Variants in CSMD2 observed in about 807,000 individuals in gnomAD.
CSMD2 encodes CUB and sushi domain-containing protein 2.
CSMD2 carries 130 observed loss-of-function variants against 398.5 expected under a neutral mutation model. The observed-to-expected ratio is 0.33, with a 90% confidence interval of 0.28 to 0.38. CSMD2 has a LOEUF of 0.38. Among genes scored for constraint, CSMD2 ranks in the 10% least tolerant of loss-of-function variants. CSMD2 has a pLI of 1.00. For missense variants in CSMD2, 3,829 were observed against 4,764.9 expected (o/e 0.80, Z 5.78); for synonymous variants, 1,828 against 1,908.5 (o/e 0.96, Z 1.10).
In CSMD2 at chr1:33,950,986, C is replaced by T. The variant is rs147512332; in HGVS notation, c.518-15032G>A. On this transcript the variant is annotated intron_variant, in intron 3 of 70. Coordinates refer to ENST00000373381, the MANE Select transcript of CSMD2 (RefSeq NM_001281956.2). ...CTCCTAACTGATTACAGCATTGAGTCGGGCATCATCCAGAACCTTGGGTGT... is the reference window on the plus strand; with the variant it reads ...CTCCTAACTGATTACAGCATTGAGTTGGGCATCATCCAGAACCTTGGGTGT... 1.4e-3 allele frequency among the ~76,000 whole-genome samples: 208 copies of T among 152,296 alleles called. 1 individual carries two copies. In the South Asian group the frequency reaches 0.015, roughly 11 times the overall value.
At chr1:33,800,027 C>T (rs1317896392) in intron 10 of CSMD2, among the ~76,000 whole-genome samples, 1 of 152,192 alleles carries the variant, frequency 6.6e-6, no homozygotes, top group Admixed American at 6.5e-5. Context: ...GCAAGGCCTG[C>T]CCCTGCCACT....
At chr1:33,843,542 G>T (rs973666481) in intron 6 of CSMD2, among the ~76,000 whole-genome samples, 1 of 152,206 alleles carries the variant, frequency 6.6e-6, no homozygotes. Context: ...TCCAATGCCA[G>T]TGATTCTTCC....
intron 3 of CSMD2, among the ~76,000 whole-genome samples, chr1:33,972,746 T>C (rs1157933556): frequency 6.6e-6 from 1 of 152,194 alleles, no homozygotes; most frequent in Non-Finnish European, 1.5e-5. Flanking sequence ...TGTGGACTTC[T>C]GGCCTCCGGA....
At position 33,891,481 on chromosome 1, in the gene CSMD2, G is replaced by A. The variant is rs532696468; in HGVS notation, c.920+26613C>T. Among the ~76,000 whole-genome samples the A allele has an allele frequency of 5.7e-3, 867 of 151,752 alleles. 2 individuals carry two copies. Among genetic ancestry groups the A allele is most frequent in the Non-Finnish European group, 8.6e-3 (584 of 67,992 alleles). On this transcript the variant is annotated intron_variant, in intron 5 of 70. Coordinates refer to ENST00000373381, the MANE Select transcript of CSMD2 (RefSeq NM_001281956.2). Reference sequence around the variant, plus strand: ...GTAAACTAGTTCAACCACTGTGGAAGTCAGTGTGGCGATTCCTCAGGGATC... The same window carrying A: ...GTAAACTAGTTCAACCACTGTGGAAATCAGTGTGGCGATTCCTCAGGGATC...
rs1257726384 is a variant in CSMD2, at chr1:33,557,930, T to C, written c.8555-8A>G. ...GATCTGTACAGTTGATGACTGCAAT[T>C]GAACAGAAGTCCAAACAGGCATGGA... On this transcript the variant is annotated splice_region_variant and splice_polypyrimidine_tract_variant and intron_variant, in intron 54 of 70. Transcript: ENST00000373381. The C allele has an allele frequency of 1.3e-6, 2 of 1,529,244 alleles. No individual in the cohort carries two copies. The highest frequency in any genetic ancestry group is 3.9e-5 in the Admixed American group (2 of 50,902). 94.7% of individuals were successfully genotyped at this position (1,529,244 alleles called of 1,614,324 possible).
chr1:34,157,241 A>C (rs1248317401), intron 1 of CSMD2, among the ~76,000 whole-genome samples: 2 of 152,188 alleles, frequency 1.3e-5, no homozygotes, highest in Non-Finnish European at 2.9e-5. Context: ...TTCACAATTC[A>C]GGTGAGAAAG....
chr1:33,825,509 G>A (rs1187170781), intron 7 of CSMD2, among the ~76,000 whole-genome samples, 188 bp downstream of exon 7: 1 of 152,254 alleles, frequency 6.6e-6, no homozygotes, highest in East Asian at 1.9e-4. Flanking sequence ...GGAGGAGAAG[G>A]CAAAGGGCAG....
intron 2 of CSMD2, among the ~76,000 whole-genome samples, chr1:34,045,489 G>A (rs1265447390): frequency 6.6e-6 from 1 of 152,222 alleles, no homozygotes; most frequent in African/African-American, 2.4e-5. Context: ...AAAGGATCTT[G>A]TCTAGAATGT....
In CSMD2 at chr1:33,824,144, C is replaced by T. The variant is rs368948286; in HGVS notation, c.1111+1553G>A. 4.6e-5 allele frequency among the ~76,000 whole-genome samples: 7 copies of T among 152,318 alleles called. No homozygotes were observed. The East Asian group carries it at 1.2e-3, about 25-fold the overall frequency. On this transcript the variant is annotated intron_variant, in intron 7 of 70. Transcript: ENST00000373381. Reference sequence around the variant, plus strand: ...GACACAGTTGGGATAAATATTTGATCTCCCAAGTCAGGGCCATTTCCTTAA... The same window carrying T: ...GACACAGTTGGGATAAATATTTGATTTCCCAAGTCAGGGCCATTTCCTTAA...
At chr1:33,611,694 G>A (rs865959515) in intron 40 of CSMD2, among the ~76,000 whole-genome samples, 19 of 152,138 alleles carry the variant, frequency 1.2e-4, no homozygotes, top group African/African-American at 2.7e-4. Flanking sequence ...ATTCAGAAAC[G>A]TAGGGCTTAG....
intron 11 of CSMD2, among the ~76,000 whole-genome samples, chr1:33,791,744 T>G (rs1654340230): frequency 6.6e-6 from 1 of 152,224 alleles, no homozygotes; most frequent in Non-Finnish European, 1.5e-5. Context: ...TGCCTTGGCC[T>G]GCCAAAGTGC....
In CSMD2 at chr1:33,542,916, C is replaced by T; in HGVS notation, c.9101-20G>A. 2 of 1,608,978 alleles carry T rather than the reference C, an allele frequency of 1.2e-6. No individual in the cohort carries two copies. The highest frequency in any genetic ancestry group is 1.7e-6 in the Non-Finnish European group (2 of 1,176,634). On this transcript the variant is annotated intron_variant, in intron 57 of 70. Transcript: ENST00000373381. ...AGATCACTAGGAAGACAAAAATACACATTATTCACCAGAACAATGGTGGGT... is the reference window on the plus strand; with the variant it reads ...AGATCACTAGGAAGACAAAAATACATATTATTCACCAGAACAATGGTGGGT...
At chr1:33,672,782 G>A (rs1417817258) in intron 25 of CSMD2, among the ~76,000 whole-genome samples, 2 of 152,332 alleles carry the variant, frequency 1.3e-5, no homozygotes, top group South Asian at 4.1e-4. Flanking sequence ...GGAACGATCA[G>A]GCAGCAGCAT....
Position 34,032,642 on chromosome 1 carries a change from T to G in CSMD2, c.469A>C (p.Ile157Leu). 2.5e-6 allele frequency: 4 copies of G among 1,602,708 alleles called. No homozygotes were observed. Among genetic ancestry groups the G allele is most frequent in the Non-Finnish European group, 3.4e-6 (4 of 1,174,886 alleles). The change falls in exon 3 of 71, where the codon ATC becomes CTC. Residue 157 changes from isoleucine (I) to leucine (L), a missense_variant. By Grantham distance (5) the Ile-to-Leu change is conservative (BLOSUM62 2). Around this residue, in one of 5 missense-constraint regions of CSMD2, gnomAD observed 184 missense variants for 217.7 expected, o/e 0.85. Coordinates refer to ENST00000373381, the MANE Select transcript of CSMD2 (RefSeq NM_001281956.2). ...TGGGCACTGACTGCATAGTCGCTGA[T>G]GAGGCGCAGAGAGAGGGTGGTGGCT... ...SAATTLSLRL[I>L]SDYAVSAQGF...
intron 3 of CSMD2, among the ~76,000 whole-genome samples, chr1:34,006,801 T>A (rs1258161468): frequency 6.6e-6 from 1 of 152,068 alleles, no homozygotes; most frequent in African/African-American, 2.4e-5. Context: ...CCATGTCCAG[T>A]GTGGAGTCGT....
At chr1:33,734,553 G>A (rs1646823003) in intron 15 of CSMD2, among the ~76,000 whole-genome samples, 1 of 152,076 alleles carries the variant, frequency 6.6e-6, no homozygotes, top group East Asian at 1.9e-4. Context: ...TTGGGAGGCC[G>A]AGGCTGGAAG....
intron 10 of CSMD2, among the ~76,000 whole-genome samples, chr1:33,808,541 C>G (rs1265122709): frequency 6.6e-6 from 1 of 151,932 alleles, no homozygotes; most frequent in Non-Finnish European, 1.5e-5. Context: ...ATATTCAGAA[C>G]TAAACTATAA....
intron 55 of CSMD2, among the ~76,000 whole-genome samples, chr1:33,555,718 T>C (rs1034313240): frequency 3.3e-5 from 5 of 152,182 alleles, no homozygotes; most frequent in African/African-American, 1.2e-4. Context: ...GCTCAGATGA[T>C]TGTTAGTATT....
chr1:33,685,697 C>T (rs1397565577), intron 25 of CSMD2, among the ~76,000 whole-genome samples: 1 of 152,180 alleles, frequency 6.6e-6, no homozygotes, highest in African/African-American at 2.4e-5. Context: ...GCTCTCTTAC[C>T]CCTAGCTGGA....
Sources: gnomAD v4.1 joint callset for allele counts (sites outside exome capture counted in the v4.1 genomes callset) on GRCh38, gnomAD v4.1.1 for gene constraint, gnomAD v4.1.1 regional missense constraint, MANE v1.5 for transcripts, NCBI Gene and HGNC (gene_info 2026-07-23, HGNC 2026-07-21) for gene names.